ATL2: variants seen among roughly 807,000 people sequenced by gnomAD.
ATL2 encodes atlastin-2.
In ATL2, 31 loss-of-function variants were observed where a neutral mutation model predicts 73.9. The observed-to-expected ratio is 0.42, with a 90% CI of 0.32 to 0.57. ATL2 has a LOEUF of 0.57. ATL2 is among the 20% of genes least tolerant of loss of function. The pLI is 0.14. For synonymous variants in ATL2, 291 were observed against 237.5 expected (o/e 1.23, Z -2.07); for missense variants, 738 against 702.6 (o/e 1.05, Z -0.57).
upstream of ATL2, chr2:38,377,311 CT>C (rs1453572287): frequency 6.9e-7 from 1 of 1,455,144 alleles, no homozygotes. Context: ...GCCGCCGCCG[CT>C]TTATCAACCT....
At chr2:38,305,691 T>G (rs1278286644) in intron 9 of ATL2, among the ~76,000 whole-genome samples, 1 of 151,156 alleles carries the variant, frequency 6.6e-6, no homozygotes, top group East Asian at 1.9e-4. Context: ...GACCACTAGA[T>G]CAGTGAAGAA....
At chr2:38,317,064 C>CA (rs1668061506) in intron 4 of ATL2, among the ~76,000 whole-genome samples, 1 of 152,050 alleles carries the variant, frequency 6.6e-6, no homozygotes, top group Non-Finnish European at 1.5e-5. Flanking sequence ...ACCTTCTTTC[C>CA]ACTCTGATGG....
intron 7 of ATL2, among the ~76,000 whole-genome samples, chr2:38,311,202 G>A (rs995120028): frequency 2.0e-5 from 3 of 151,982 alleles, no homozygotes; most frequent in Non-Finnish European, 2.9e-5. Context: ...AAAAATTACA[G>A]TGCAGTACAA....
intron 1 of ATL2, among the ~76,000 whole-genome samples, chr2:38,354,593 A>C (rs2124447333): frequency 6.6e-6 from 1 of 152,226 alleles, no homozygotes; most frequent in South Asian, 2.1e-4. Flanking sequence ...GGTATAGCTT[A>C]AAAAGCCAAT....
intron 1 of ATL2, among the ~76,000 whole-genome samples, chr2:38,365,082 C>G (rs1052065381): frequency 6.7e-6 from 1 of 148,752 alleles, no homozygotes; most frequent in Non-Finnish European, 1.5e-5. Flanking sequence ...TGTAAAGTAT[C>G]AAGCCATAAA....
intron 2 of ATL2, among the ~76,000 whole-genome samples, chr2:38,320,264 G>A (rs1003048753): frequency 2.0e-5 from 3 of 152,130 alleles, no homozygotes; most frequent in African/African-American, 7.2e-5. Flanking sequence ...ATTAGGGTAA[G>A]GAAGATTGTT....
intron 2 of ATL2, among the ~76,000 whole-genome samples, chr2:38,326,930 G>C (rs1668696406): frequency 6.6e-6 from 1 of 152,020 alleles, no homozygotes; most frequent in South Asian, 2.1e-4. Context: ...AGAGGTTGCA[G>C]TGAGCCAAGA....
At chr2:38,296,182 A>T in intron 12 of ATL2, 69 bp from the exon 13 acceptor site, 1 of 1,465,608 alleles carries the variant, frequency 6.8e-7, no homozygotes, top group Non-Finnish European at 9.1e-7. Flanking sequence ...ATAAAAATAG[A>T]TATAAAAATT....
rs1325860466 is a variant in ATL2, at chr2:38,300,971, C to CTTTTT, written c.1072-644_1072-643insAAAAA. The stretch of plus-strand genomic sequence containing the variant: ...GTCCATATAGGGTCTTTCATCTCAA[C>CTTTTT]TTTCTTTTTTTTTTTTGAGAAGGAA... On this transcript the variant is annotated intron_variant, in intron 9 of 12. Transcript: ENST00000378954. Among the ~76,000 whole-genome samples, 1,040 of 143,770 alleles carry CTTTTT rather than the reference C, an allele frequency of 7.2e-3. 19 individuals carry two copies. The highest frequency in any genetic ancestry group is 0.028 in the African/African-American group (985 of 35,028). The allele number at this position is 143,770 out of a possible 152,430, so 94.3% of individuals were successfully genotyped here.
At chr2:38,296,232 A>G in intron 12 of ATL2, 119 bp from the exon 13 acceptor site, 1 of 1,425,280 alleles carries the variant, frequency 7.0e-7, no homozygotes, top group Non-Finnish European at 9.2e-7. Flanking sequence ...GAATATGGGA[A>G]ATAAAAAGAT....
At chr2:38,339,212 C>T (rs1441882258) in intron 2 of ATL2, among the ~76,000 whole-genome samples, 2 of 151,570 alleles carry the variant, frequency 1.3e-5, no homozygotes, top group Admixed American at 1.3e-4. Context: ...GAAACTACGT[C>T]TCAAAAAAAA....
At chr2:38,339,332 T>C (rs1174837615) in intron 2 of ATL2, among the ~76,000 whole-genome samples, 3 of 152,040 alleles carry the variant, frequency 2.0e-5, no homozygotes, top group African/African-American at 7.2e-5. Flanking sequence ...GATCCTGGAA[T>C]AGAAAGAAGA....
At chr2:38,372,601 A>G (rs1368903806) in intron 1 of ATL2, among the ~76,000 whole-genome samples, 1 of 152,220 alleles carries the variant, frequency 6.6e-6, no homozygotes, top group African/African-American at 2.4e-5. Context: ...TTCCAGAAGA[A>G]CTACTTTGCC....
At chr2:38,332,390 G>C (rs1359816395) in intron 2 of ATL2, among the ~76,000 whole-genome samples, 1 of 152,022 alleles carries the variant, frequency 6.6e-6, no homozygotes, top group African/African-American at 2.4e-5. Context: ...GATTTTTGTA[G>C]AGATGGAGTC....
intron 12 of ATL2, chr2:38,296,820 A>C: frequency 7.1e-7 from 1 of 1,406,026 alleles, no homozygotes; most frequent in Non-Finnish European, 9.5e-7. Flanking sequence ...TATACACTTT[A>C]GATTCTTCCA....
At chr2:38,376,456 A>G (rs1188249822) in intron 1 of ATL2, 1 of 281,626 alleles carries the variant, frequency 3.6e-6, no homozygotes, top group African/African-American at 2.2e-5. Flanking sequence ...ACGGCTCATA[A>G]CCCCAGTTTG....
At chr2:38,342,171 A>G (rs1246002433) in intron 2 of ATL2, among the ~76,000 whole-genome samples, 1 of 152,028 alleles carries the variant, frequency 6.6e-6, no homozygotes, top group Non-Finnish European at 1.5e-5. Context: ...ATAGGTAAGT[A>G]GCAATTGTCT....
At chr2:38,369,667 A>G (rs72906133) in intron 1 of ATL2, among the ~76,000 whole-genome samples, 18,979 of 151,842 alleles carry the variant, frequency 0.12, 3,496 homozygotes, top group African/African-American at 0.41. Flanking sequence ...CAGGAGGTTC[A>G]CTTGAGCCCA....
intron 1 of ATL2, among the ~76,000 whole-genome samples, chr2:38,356,435 C>T (rs1445615233): frequency 6.6e-6 from 1 of 151,978 alleles, no homozygotes; most frequent in East Asian, 1.9e-4. Context: ...GTGATCCACC[C>T]ACCTCACTCA....
Sources: allele counts gnomAD v4.1 joint callset (sites outside exome capture counted in the v4.1 genomes callset), GRCh38; gene constraint gnomAD v4.1.1; transcripts MANE v1.5; gene names NCBI Gene and HGNC (gene_info 2026-07-23, HGNC 2026-07-21).